Variants in ATP9A observed in about 807,000 individuals in gnomAD.
ATP9A encodes the protein ATPase phospholipid transporting 9A.
Under a neutral mutation model 144.1 loss-of-function variants are expected in ATP9A, and 52 were observed. The ratio of observed to expected loss-of-function variants is 0.36; its 90% CI spans 0.29 to 0.45. ATP9A has a LOEUF of 0.45. ATP9A is among the 20% of genes least tolerant of loss of function. The pLI is 1.00. For synonymous variants in ATP9A, 582 were observed against 557.4 expected (o/e 1.04, Z -0.62); for missense variants, 947 against 1,392.7 (o/e 0.68, Z 5.09).
At chr20:51,700,817 C>T (rs756620721) in intron 4 of ATP9A, among the ~76,000 whole-genome samples, 3 of 151,948 alleles carry the variant, frequency 2.0e-5, no homozygotes, top group East Asian at 1.9e-4. Context: ...GCAACAAGAG[C>T]GAAACTCCGT....
At chr20:51,711,941 C>G (rs552025113) in intron 4 of ATP9A, among the ~76,000 whole-genome samples, 1 of 150,812 alleles carries the variant, frequency 6.6e-6, no homozygotes, top group Non-Finnish European at 1.5e-5. Context: ...CTGCAGCCTC[C>G]GCCTCCTAGG....
chr20:51,744,572 A>C (rs1001197762), intron 1 of ATP9A, among the ~76,000 whole-genome samples: 11 of 152,264 alleles, frequency 7.2e-5, no homozygotes, highest in African/African-American at 2.7e-4. Flanking sequence ...CAATGGTTTC[A>C]TACAATCTGG....
intron 1 of ATP9A, among the ~76,000 whole-genome samples, chr20:51,768,021 G>A (rs1328776114): frequency 6.6e-6 from 1 of 152,196 alleles, no homozygotes; most frequent in East Asian, 1.9e-4. Flanking sequence ...TGTGTAAACA[G>A]CACTGGGGCG....
chr20:51,755,464 C>T (rs2077851850), intron 1 of ATP9A, among the ~76,000 whole-genome samples: 1 of 151,864 alleles, frequency 6.6e-6, no homozygotes, highest in Admixed American at 6.6e-5. Context: ...TCTTATAATA[C>T]CATTATACTC....
intron 9 of ATP9A, among the ~76,000 whole-genome samples, chr20:51,688,541 A>G (rs746921177): frequency 2.0e-5 from 3 of 152,092 alleles, no homozygotes; most frequent in Non-Finnish European, 2.9e-5. Context: ...ACAGTGAGCC[A>G]AGATTGTGCC....
At position 51,743,396 on chromosome 20, in the gene ATP9A, A is replaced by ATTTTT. The variant is rs769952209; in HGVS notation, c.69-13423_69-13419dup. 1.9e-3 allele frequency among the ~76,000 whole-genome samples: 169 copies of ATTTTT among 89,834 alleles called. 27 individuals carry two copies. Among genetic ancestry groups the ATTTTT allele is most frequent in the African/African-American group, 5.3e-3 (111 of 21,116 alleles). 58.9% of individuals were successfully genotyped at this position (89,834 alleles called of 152,430 possible). A position where few individuals can be genotyped will look rare whatever the true frequency, so the allele number is the denominator to read the frequency against. On this transcript the variant is annotated intron_variant, in intron 1 of 27. Coordinates refer to ENST00000338821, the MANE Select transcript of ATP9A (RefSeq NM_006045.3). ...GAGATGGGCTGCAAGACCGAAACTG[A>ATTTTT]TTTTTTTTTTTTTTTTTTTTTGAGA... is the stretch of plus-strand genomic sequence containing the variant.
At chr20:51,644,299 G>A (rs192174012) in intron 14 of ATP9A, among the ~76,000 whole-genome samples, 10 of 128,640 alleles carry the variant, frequency 7.8e-5, no homozygotes, top group Non-Finnish European at 1.6e-4. Context: ...TTGAGACGGA[G>A]TCTCACTCTT....
intron 13 of ATP9A, among the ~76,000 whole-genome samples, chr20:51,658,836 T>C (rs2077398350): frequency 7.4e-6 from 1 of 135,296 alleles, no homozygotes; most frequent in Non-Finnish European, 1.5e-5. Context: ...TAGGCTTCCT[T>C]TGAAGAAAGG....
intron 14 of ATP9A, among the ~76,000 whole-genome samples, chr20:51,654,140 C>G (rs2077377939): frequency 6.6e-6 from 1 of 152,068 alleles, no homozygotes; most frequent in African/African-American, 2.4e-5. Context: ...CAGAAGGTAG[C>G]CAGGGGTGTA....
chr20:51,694,377 G>A (rs1025954804), intron 6 of ATP9A, among the ~76,000 whole-genome samples: 1 of 152,152 alleles, frequency 6.6e-6, no homozygotes, highest in Admixed American at 6.5e-5. Flanking sequence ...GTGGAGAAAC[G>A]CAGACTTCGC....
chr20:51,674,350 C>T lies in ATP9A; in HGVS notation c.877-37G>A, dbSNP rs115203938. The T allele has an allele frequency of 1.0e-3, 1,666 of 1,603,814 alleles. 14 individuals carry two copies. In the African/African-American group the frequency reaches 0.019, roughly 19 times the overall value. ...AGCACAAACCAGGGCTTGAGATGAGCTGGTGTAACTAATCTCAAACCTAAA... is the reference window on the plus strand; with the variant it reads ...AGCACAAACCAGGGCTTGAGATGAGTTGGTGTAACTAATCTCAAACCTAAA... On this transcript the variant is annotated intron_variant, in intron 10 of 27. Coordinates refer to ENST00000338821, the MANE Select transcript of ATP9A (RefSeq NM_006045.3).
chr20:51,746,721 C>A (rs759925997), intron 1 of ATP9A, among the ~76,000 whole-genome samples: 3 of 152,228 alleles, frequency 2.0e-5, no homozygotes, highest in Non-Finnish European at 4.4e-5. Context: ...CACCTGTAGT[C>A]CCAGCTACTC....
At position 51,694,014 on chromosome 20, in the gene ATP9A, C is replaced by T. The variant is rs150864262; in HGVS notation, c.636G>A (p.Thr212=). Residue 212 remains threonine, a synonymous_variant, in exon 7 of 28, where the codon ACG becomes ACA. Transcript: ENST00000338821. ...LPVACTQRLP[T]AADLLQIRSY... is the part of the protein sequence containing the mutation. The stretch of plus-strand genomic sequence containing the variant: ...TGCAGGGAAAGCTACTCACGGCGGC[C>T]GTGGGGAGCCTCTGCGTGCAGGCCA... The T allele has an allele frequency of 2.0e-5, 32 of 1,612,942 alleles. No individual in the cohort carries two copies. Among genetic ancestry groups the T allele is most frequent in the African/African-American group, 2.7e-5 (2 of 74,866 alleles).
At chr20:51,730,869 T>C (rs975486619) in intron 1 of ATP9A, among the ~76,000 whole-genome samples, 7 of 152,202 alleles carry the variant, frequency 4.6e-5, no homozygotes, top group Non-Finnish European at 7.3e-5. Flanking sequence ...AAAGACTGTG[T>C]TCCAAAAAGT....
chr20:51,765,175 A>G (rs961523302), intron 1 of ATP9A, among the ~76,000 whole-genome samples: 2 of 152,048 alleles, frequency 1.3e-5, no homozygotes, highest in African/African-American at 4.8e-5. Flanking sequence ...TCACGCTGCC[A>G]TCCCCCAGCC....
chr20:51,747,936 A>G (rs1384873078), intron 1 of ATP9A, among the ~76,000 whole-genome samples: 1 of 152,174 alleles, frequency 6.6e-6, no homozygotes, highest in East Asian at 1.9e-4. Flanking sequence ...TTCCATTTCT[A>G]TCAAACTACC....
chr20:51,753,213 A>G (rs1246413685), intron 1 of ATP9A, among the ~76,000 whole-genome samples: 1 of 152,236 alleles, frequency 6.6e-6, no homozygotes, highest in African/African-American at 2.4e-5. Flanking sequence ...AGTAAATTAG[A>G]GATGTCTATT....
At chr20:51,738,235 G>A (rs1397544575) in intron 1 of ATP9A, among the ~76,000 whole-genome samples, 2 of 151,938 alleles carry the variant, frequency 1.3e-5, no homozygotes, top group African/African-American at 2.4e-5. Context: ...TCACCATGTT[G>A]GTCAGGCTGG....
Position 51,726,889 on chromosome 20 carries a change from CTTTTTTT to C in ATP9A, c.214-964_214-958del, listed in dbSNP as rs55719132. ...CCACTGCGTCCAGACTGTGTTATTT[CTTTTTTT>C]TTTTTTTTTTTTTTTTTTTTGAGAC... On this transcript the variant is annotated intron_variant, in intron 2 of 27. Coordinates refer to ENST00000338821, the MANE Select transcript of ATP9A (RefSeq NM_006045.3). Among the ~76,000 whole-genome samples, 496 of 93,978 alleles carry C rather than the reference CTTTTTTT, an allele frequency of 5.3e-3. 2 individuals are homozygous for C. The highest frequency in any genetic ancestry group is 6.8e-3 in the Middle Eastern group (1 of 148). 61.7% of individuals were successfully genotyped at this position (93,978 alleles called of 152,430 possible). A position where few individuals can be genotyped will look rare whatever the true frequency, so the allele number is the denominator to read the frequency against.
Sources: allele counts gnomAD v4.1 joint callset (sites outside exome capture counted in the v4.1 genomes callset), GRCh38; gene constraint gnomAD v4.1.1; transcripts MANE v1.5; gene names NCBI Gene and HGNC (gene_info 2026-07-23, HGNC 2026-07-21).